VPS35L: variants seen among roughly 807,000 people sequenced by gnomAD.
The protein encoded by VPS35L is VPS35 endosomal protein sorting factor like.
In VPS35L, 83 loss-of-function variants were observed where a neutral mutation model predicts 133.0. The ratio of observed to expected loss-of-function variants is 0.62; its 90% CI spans 0.52 to 0.75. The LOEUF (loss-of-function observed/expected upper bound fraction) is 0.75. Ranked by LOEUF, VPS35L falls within the 30% of genes least tolerant of loss-of-function variation. The pLI, the probability that VPS35L is intolerant of heterozygous loss-of-function variation, is 0.00. For missense variants in VPS35L, 1,083 were observed against 1,206.8 expected (o/e 0.90, Z 1.52); for synonymous variants, 423 against 449.9 (o/e 0.94, Z 0.76).
At position 19,652,085 on chromosome 16, in the gene VPS35L, C is replaced by G; in HGVS notation, c.2216C>G (p.Ser739Cys). The G allele has an allele frequency of 1.3e-6, 2 of 1,582,386 alleles. No individual in the cohort carries two copies. The highest frequency in any genetic ancestry group is 1.7e-6 in the Non-Finnish European group (2 of 1,155,914). ...GQVALANQCLSQADAFFKAAI... is the reference protein window; with the variant it reads ...GQVALANQCLCQADAFFKAAI... ...GTGGCCTTGGCCAACCAGTGCCTCT[C>G]CCAAGGTAAGTCCATCATTCTCTCA... Residue 739 changes from serine (S) to cysteine (C), a missense_variant, in exon 26 of 31, where the codon TCC becomes TGC. Coordinates refer to ENST00000417362, the MANE Select transcript of VPS35L (RefSeq NM_020314.7).
chr16:19,645,100 G>A, intron 23 of VPS35L, 151 bp downstream of exon 23: 1 of 485,590 alleles, frequency 2.1e-6, no homozygotes, highest in Non-Finnish European at 3.5e-6. Flanking sequence ...CATTAGCCAG[G>A]ACTCCCCTGG....
intron 26 of VPS35L, among the ~76,000 whole-genome samples, chr16:19,667,473 C>G (rs1417718911): frequency 6.6e-6 from 1 of 152,188 alleles, no homozygotes; most frequent in African/African-American, 2.4e-5. Context: ...GTGGCTCACG[C>G]CTGTAATCCC....
chr16:19,689,010 C>T (rs975715167), intron 28 of VPS35L, among the ~76,000 whole-genome samples: 9 of 151,944 alleles, frequency 5.9e-5, no homozygotes, highest in East Asian at 3.9e-4. Flanking sequence ...CAGAGCTGTA[C>T]GCGTAGCGCC....
chr16:19,699,618 G>A lies in VPS35L; in HGVS notation c.2763G>A (p.Gln921=), dbSNP rs777311864. ...QLSVNLWHLA[Q]RHGCADTRTM... ...CCGTCAACCTGTGGCACCTGGCACA[G>A]AGGCACGGCTGTGCAGACACCAGGA... Residue 921 remains glutamine, a synonymous_variant, in exon 30 of 31, where the codon CAG becomes CAA. Coordinates refer to ENST00000417362, the MANE Select transcript of VPS35L (RefSeq NM_020314.7). This position sits in a 1 kb window ranked among gnomAD's most constrained non-coding sequence, Gnocchi z 4.2. 7 of 1,614,036 alleles carry A rather than the reference G, an allele frequency of 4.3e-6. No homozygotes were observed. The South Asian group carries it at 6.6e-5, about 15-fold the overall frequency.
rs1383162514 is a variant in VPS35L at position 19,629,710 on chromosome 16, G to A, written c.1501-57G>A. 5 of 1,500,012 alleles carry A rather than the reference G, an allele frequency of 3.3e-6. No homozygotes were observed. The African/African-American group carries it at 6.9e-5, about 21-fold the overall frequency. 92.9% of individuals were successfully genotyped at this position (1,500,012 alleles called of 1,614,324 possible). A position where few individuals can be genotyped will look rare whatever the true frequency, so the allele number is the denominator to read the frequency against. ...CAGAGCCAGCTGAAGCCTCCTGTTT[G>A]CTGTAATGCATACTATGTTGTACTT... On this transcript the variant is annotated intron_variant, in intron 17 of 30. Coordinates refer to ENST00000417362, the MANE Select transcript of VPS35L (RefSeq NM_020314.7).
chr16:19,605,147 A>G (rs1972502024), intron 9 of VPS35L, among the ~76,000 whole-genome samples: 2 of 152,212 alleles, frequency 1.3e-5, no homozygotes, highest in Admixed American at 1.3e-4. Context: ...TGTTACGTAA[A>G]GAGACCTCTC....
At chr16:19,584,575 C>T (rs1856621775) in intron 7 of VPS35L, among the ~76,000 whole-genome samples, 1 of 138,826 alleles carries the variant, frequency 7.2e-6, no homozygotes, top group Non-Finnish European at 1.5e-5. Context: ...TGCAGTGAGC[C>T]AAGATTGCAC....
chr16:19,691,522 T>G, intron 29 of VPS35L, 51 bp downstream of exon 29: 1 of 1,467,190 alleles, frequency 6.8e-7, no homozygotes. Context: ...AAAGCACAAG[T>G]TTCCAGGGTG....
At chr16:19,628,578 A>G (rs1973342591) in intron 16 of VPS35L, 59 bp from the exon 17 acceptor site, 9 of 915,608 alleles carry the variant, frequency 9.8e-6, no homozygotes, top group Non-Finnish European at 1.5e-5. Flanking sequence ...CTTTTCTTTG[A>G]GCTTCAAGTT....
Position 19,581,514 on chromosome 16 carries a change from T to C in VPS35L, c.511-11T>C. ...CCTGCTATGCCTTCACCTTCTGCCT[T>C]CTCCCCACAGGGTTCCCAAAAGGAG... On this transcript the variant is annotated splice_polypyrimidine_tract_variant and intron_variant, in intron 6 of 30. Transcript: ENST00000417362. 6.4e-7 allele frequency: 1 copy of C among 1,573,580 alleles called. No homozygotes were observed. Among genetic ancestry groups the C allele is most frequent in the African/African-American group, 1.4e-5 (1 of 73,612 alleles).
rs779600815 is a variant in VPS35L at position 19,669,277 on chromosome 16, T to C, written c.2339T>C (p.Phe780Ser). The change falls in exon 27 of 31, where the codon TTT becomes TCT. Residue 780 changes from phenylalanine to serine, a missense_variant. Phe to Ser is a radical substitution (Grantham distance 155). Coordinates refer to ENST00000417362, the MANE Select transcript of VPS35L (RefSeq NM_020314.7). ...CTTCTGGAATTCCTCTGCAATTTCT[T>C]TTCTACTTTATTAATAGTTCCGGTA... ...SFLLEFLCNFFSTLLIVPDHP... is the reference protein window; with the variant it reads ...SFLLEFLCNFSSTLLIVPDHP... 6.2e-6 allele frequency: 10 copies of C among 1,612,430 alleles called. No homozygotes were observed. The South Asian group carries it at 1.1e-4, about 18-fold the overall frequency.
At position 19,591,940 on chromosome 16, in the gene VPS35L, A is replaced by G. The variant is rs1285988420; in HGVS notation, c.724+66A>G. ...TTCGTTTTGTCAAGAATTGGGTGGT[A>G]GAGTTACTGTAAATTAGGTTCTGCT... is the stretch of plus-strand genomic sequence containing the variant. On this transcript the variant is annotated intron_variant, in intron 8 of 30. Coordinates refer to ENST00000417362, the MANE Select transcript of VPS35L (RefSeq NM_020314.7). The G allele has an allele frequency of 1.1e-5, 14 of 1,259,550 alleles. No homozygotes were observed. In the South Asian group the frequency reaches 1.6e-4, roughly 14 times the overall value. 78.0% of individuals were successfully genotyped at this position (1,259,550 alleles called of 1,614,324 possible).
At chr16:19,696,549 G>A (rs890611657) in intron 29 of VPS35L, among the ~76,000 whole-genome samples, 5 of 152,094 alleles carry the variant, frequency 3.3e-5, no homozygotes, top group African/African-American at 1.2e-4. Context: ...GGAAATGACA[G>A]TTCTCATAGG....
chr16:19,565,528 T>C (rs574957556), intron 2 of VPS35L, among the ~76,000 whole-genome samples: 2 of 152,222 alleles, frequency 1.3e-5, no homozygotes, highest in South Asian at 4.1e-4. Flanking sequence ...ATTTTTTTTA[T>C]TTTTAGTAGA....
In VPS35L at chr16:19,639,906, G is replaced by T; in HGVS notation, c.1699-109G>T. On this transcript the variant is annotated intron_variant, in intron 20 of 30. Coordinates refer to ENST00000417362, the MANE Select transcript of VPS35L (RefSeq NM_020314.7). This position sits in a 1 kb window ranked among gnomAD's most constrained non-coding sequence, Gnocchi z 4.1. The stretch of plus-strand genomic sequence containing the variant: ...GTCCTCATCTGACCCGACTCAGAGA[G>T]ATGAACCTCTGTTCTGCTTCTTTGA... 1.1e-6 allele frequency: 1 copy of T among 904,424 alleles called. No homozygotes were observed. The highest frequency in any genetic ancestry group is 1.7e-5 in the African/African-American group (1 of 59,920). The allele number at this position is 904,424 out of a possible 1,614,324, so 56.0% of individuals were successfully genotyped here. A position where few individuals can be genotyped will look rare whatever the true frequency, so the allele number is the denominator to read the frequency against.
In VPS35L at chr16:19,608,194, G is replaced by A. The variant is rs1972595119; in HGVS notation, c.801G>A (p.Glu267=). 6.2e-7 allele frequency: 1 copy of A among 1,613,178 alleles called. No homozygotes were observed. The highest frequency in any genetic ancestry group is 8.5e-7 in the Non-Finnish European group (1 of 1,179,364). ...GTATTACAGATCACTTTTCTCCAGAGAATGCAAATGACACGGCCAAGGAAA... is the reference window on the plus strand; with the variant it reads ...GTATTACAGATCACTTTTCTCCAGAAAATGCAAATGACACGGCCAAGGAAA... ...RSVLPDHFSP[E]NANDTAKETC... Residue 267 remains glutamate (E), a synonymous_variant, in exon 10 of 31, where the codon GAG becomes GAA. Coordinates refer to ENST00000417362, the MANE Select transcript of VPS35L (RefSeq NM_020314.7).
intron 10 of VPS35L, 113 bp from the exon 11 acceptor site, chr16:19,608,861 T>C (rs1972618914): frequency 2.5e-6 from 2 of 814,402 alleles, no homozygotes; most frequent in Admixed American, 2.2e-5. Flanking sequence ...TGAGGGCCAC[T>C]GTGGTCCCCA....
At chr16:19,623,716 G>T (rs1427670711) in intron 14 of VPS35L, among the ~76,000 whole-genome samples, 2 of 149,996 alleles carry the variant, frequency 1.3e-5, no homozygotes, top group Admixed American at 6.7e-5. Flanking sequence ...GGGTCCAGAC[G>T]TAGATATAGA....
In VPS35L at chr16:19,575,079, G is replaced by T. The variant is rs1171433608; in HGVS notation, c.409-19G>T. 1 of 1,587,644 alleles carries T rather than the reference G, an allele frequency of 6.3e-7. No individual in the cohort carries two copies. Among genetic ancestry groups the T allele is most frequent in the Non-Finnish European group, 8.6e-7 (1 of 1,164,150 alleles). ...TGCCTTCGATTTTTAAAATATTAAT[G>T]AATTTTATGTCTCTGCAGAATCTGT... On this transcript the variant is annotated intron_variant, in intron 4 of 30. Coordinates refer to ENST00000417362, the MANE Select transcript of VPS35L (RefSeq NM_020314.7).
Sources: allele counts gnomAD v4.1 joint callset (sites outside exome capture counted in the v4.1 genomes callset), GRCh38; gene constraint gnomAD v4.1.1; non-coding constraint Gnocchi (gnomAD v3.1); transcripts MANE v1.5; gene names NCBI Gene and HGNC (gene_info 2026-07-23, HGNC 2026-07-21).